The following KMT2E variants were observed in gnomAD, a reference collection of about 807,000 sequenced individuals.
The protein encoded by KMT2E is lysine methyltransferase 2E (inactive).
In KMT2E, 30 loss-of-function variants were observed where a neutral mutation model predicts 184.6. The ratio of observed to expected loss-of-function variants is 0.16; its 90% CI spans 0.12 to 0.22. The LOEUF is 0.22. KMT2E is among the 10% of genes least tolerant of loss of function. The pLI is 1.00. For missense variants in KMT2E, 2,023 were observed against 2,237.4 expected (o/e 0.90, Z 1.93); for synonymous variants, 815 against 776.5 (o/e 1.05, Z -0.82).
intron 10 of KMT2E, 49 bp from the exon 11 acceptor site, chr7:105,077,254 A>T (rs1435318074): frequency 1.2e-6 from 2 of 1,602,360 alleles, no homozygotes; most frequent in East Asian, 4.5e-5. Flanking sequence ...TTTTAGTTAA[A>T]CTGAAAACAA....
intron 11 of KMT2E, among the ~76,000 whole-genome samples, chr7:105,078,626 G>A (rs569664757): frequency 6.8e-6 from 1 of 147,034 alleles, no homozygotes; most frequent in East Asian, 2.0e-4. Flanking sequence ...CCAGGTAGCT[G>A]GGACTACAGG....
At position 105,071,178 on chromosome 7, in the gene KMT2E, A is replaced by G. The variant is rs970886638; in HGVS notation, c.498-2441A>G. On this transcript the variant is annotated intron_variant, in intron 6 of 26. Transcript: ENST00000311117. ...GTAGACATTGACTGATAGAGCTTCAATGTACTGTATCTTTTTTTGTACTCT... is the reference window on the plus strand; with the variant it reads ...GTAGACATTGACTGATAGAGCTTCAGTGTACTGTATCTTTTTTTGTACTCT... Among the ~76,000 whole-genome samples the G allele has an allele frequency of 4.6e-5, 7 of 152,248 alleles. No individual in the cohort carries two copies. In the East Asian group the frequency reaches 7.7e-4, roughly 17 times the overall value.
intron 14 of KMT2E, among the ~76,000 whole-genome samples, 188 bp from the exon 15 acceptor site, chr7:105,091,028 A>G (rs916397807): frequency 6.6e-6 from 1 of 152,208 alleles, no homozygotes; most frequent in Non-Finnish European, 1.5e-5. Context: ...TAAAAAGCGA[A>G]AGTATTTGAT....
intron 1 of KMT2E, among the ~76,000 whole-genome samples, chr7:105,029,876 A>G (rs987983584): frequency 4.7e-4 from 71 of 152,216 alleles, no homozygotes; most frequent in African/African-American, 1.6e-3. Context: ...GGGCAACTAC[A>G]TTAGTAACAG....
chr7:105,110,468 C>T lies in KMT2E; in HGVS notation c.3845-9C>T. 1 of 1,614,138 alleles carries T rather than the reference C, an allele frequency of 6.2e-7. No homozygotes were observed. The highest frequency in any genetic ancestry group is 8.5e-7 in the Non-Finnish European group (1 of 1,180,012). On this transcript the variant is annotated splice_polypyrimidine_tract_variant and intron_variant, in intron 24 of 26. Coordinates refer to ENST00000311117, the MANE Select transcript of KMT2E (RefSeq NM_182931.3). ...TGTTCTCTTTGGGTCTGCTCTGCTT[C>T]ATCTCTAGGGGGAGAATCACCATGT...
chr7:105,070,583 G>C (rs1034072972), intron 6 of KMT2E, among the ~76,000 whole-genome samples: 5 of 142,912 alleles, frequency 3.5e-5, no homozygotes, highest in African/African-American at 1.3e-4. Flanking sequence ...GCAGTGAGCT[G>C]AGATCACACA....
intron 3 of KMT2E, among the ~76,000 whole-genome samples, chr7:105,048,475 T>C (rs1796195211): frequency 6.6e-6 from 1 of 152,210 alleles, no homozygotes; most frequent in Non-Finnish European, 1.5e-5. Flanking sequence ...TTTAAAAACC[T>C]GGGTCAACAT....
chr7:105,106,134 T>TA (rs1798889757), intron 19 of KMT2E, 131 bp downstream of exon 19: 1 of 952,182 alleles, frequency 1.1e-6, no homozygotes, highest in Non-Finnish European at 1.6e-6. Context: ...GATTTTCTCT[T>TA]TTCTGTCCTC....
intron 1 of KMT2E, among the ~76,000 whole-genome samples, chr7:105,020,070 T>C (rs1794884366): frequency 6.7e-6 from 1 of 149,278 alleles, no homozygotes; most frequent in Admixed American, 6.7e-5. Context: ...ATTGTGCCAC[T>C]GTACTTCAGC....
At chr7:105,061,046 C>G (rs534158482) in intron 3 of KMT2E, among the ~76,000 whole-genome samples, 1 of 152,260 alleles carries the variant, frequency 6.6e-6, no homozygotes, top group South Asian at 2.1e-4. Context: ...TCACAATCTC[C>G]TTTAGAACCA....
In KMT2E at chr7:105,101,953, A is replaced by G. The variant is rs768492623; in HGVS notation, c.1955A>G (p.Lys652Arg). 5 of 1,613,974 alleles carry G rather than the reference A, an allele frequency of 3.1e-6. No individual in the cohort carries two copies. Among genetic ancestry groups the G allele is most frequent in the Non-Finnish European group, 4.2e-6 (5 of 1,179,924 alleles). ...AAAGTAAATAGAACTAAACAGAGAAAAAGTTTTTCTCGGAGTAGGACTCAC... is the reference window on the plus strand; with the variant it reads ...AAAGTAAATAGAACTAAACAGAGAAGAAGTTTTTCTCGGAGTAGGACTCAC... Reference protein sequence around the residue: ...PAKVNRTKQRKSFSRSRTHIG... With the variant: ...PAKVNRTKQRRSFSRSRTHIG... Residue 652 changes from lysine (K) to arginine (R), a missense_variant, in exon 17 of 27, where the codon AAA (lysine) becomes AGA (arginine). Physicochemically the swap from Lys to Arg is conservative, Grantham distance 26. This residue lies in a region of KMT2E where 514 missense variants were observed against 621.8 expected (regional missense o/e 0.83). Transcript: ENST00000311117.
Position 105,110,237 on chromosome 7 carries a change from G to A in KMT2E, c.3756-43G>A, listed in dbSNP as rs184069478. The A allele has an allele frequency of 1.0e-5, 15 of 1,458,884 alleles. No individual in the cohort carries two copies. The East Asian group carries it at 3.2e-4, about 31-fold the overall frequency. 90.4% of individuals were successfully genotyped at this position (1,458,884 alleles called of 1,614,324 possible). ...CTATGAAGCAACAATGTAACTAGCA[G>A]TAGTTTCTTTCAATAGAGGATAATG... On this transcript the variant is annotated intron_variant, in intron 23 of 26. Coordinates refer to ENST00000311117, the MANE Select transcript of KMT2E (RefSeq NM_182931.3).
chr7:105,077,488 G>C, intron 11 of KMT2E, 55 bp downstream of exon 11: 1 of 1,431,180 alleles, frequency 7.0e-7, no homozygotes, highest in Non-Finnish European at 9.7e-7. Flanking sequence ...TTGAACTTTT[G>C]GCTGTTTTAC....
Position 105,107,200 on chromosome 7 carries a change from A to T in KMT2E, c.2882A>T (p.Lys961Met). Reference protein sequence around the residue: ...ISSPESSPEIKRRTYSQEGYD... With the variant: ...ISSPESSPEIMRRTYSQEGYD... Reference sequence around the variant, plus strand: ...TCCCCAGAAAGTTCTCCAGAAATAAAGAGACGCACTTATAGTCAAGAGGTA... The same window carrying T: ...TCCCCAGAAAGTTCTCCAGAAATAATGAGACGCACTTATAGTCAAGAGGTA... The change falls in exon 21 of 27, where the codon AAG becomes ATG. Residue 961 changes from lysine to methionine, a missense_variant. Transcript: ENST00000311117. 1 of 1,556,714 alleles carries T rather than the reference A, an allele frequency of 6.4e-7. No individual in the cohort carries two copies. Among genetic ancestry groups the T allele is most frequent in the Non-Finnish European group, 8.7e-7 (1 of 1,144,824 alleles).
At chr7:105,036,265 T>A (rs1398875716) in intron 1 of KMT2E, among the ~76,000 whole-genome samples, 1 of 150,682 alleles carries the variant, frequency 6.6e-6, no homozygotes. Flanking sequence ...CTCTGTCTCC[T>A]GGGTTCAAGC....
intron 13 of KMT2E, among the ~76,000 whole-genome samples, chr7:105,085,852 T>TA (rs1432635949): frequency 6.6e-6 from 1 of 152,100 alleles, no homozygotes; most frequent in Non-Finnish European, 1.5e-5. Flanking sequence ...TTTTGTATTT[T>TA]TAGTAGAGAT....
rs67291226 is a variant in KMT2E at position 105,059,978 on chromosome 7, G to GTTTTTTTTTTTTTTTTTTTTTTTTT, written c.72-2177_72-2153dup. Among the ~76,000 whole-genome samples, 5 of 51,764 alleles carry GTTTTTTTTTTTTTTTTTTTTTTTTT rather than the reference G, an allele frequency of 9.7e-5. 1 individual carries two copies. Among genetic ancestry groups the GTTTTTTTTTTTTTTTTTTTTTTTTT allele is most frequent in the Admixed American group, 3.2e-4 (1 of 3,134 alleles). The allele number at this position is 51,764 out of a possible 152,430, so 34.0% of individuals were successfully genotyped here. On this transcript the variant is annotated intron_variant, in intron 3 of 26. Transcript: ENST00000311117. ...GCTGAATATTGATTTTCTTGTTGTT[G>GTTTTTTTTTTTTTTTTTTTTTTTTT]TTTTTTTTTTTTTTTTTTTTTTTTT...
intron 13 of KMT2E, among the ~76,000 whole-genome samples, chr7:105,084,496 G>A (rs991068656): frequency 4.6e-5 from 7 of 151,890 alleles, no homozygotes; most frequent in Non-Finnish European, 7.4e-5. Context: ...GCGTGGTGGC[G>A]GGCCCCTGTA....
In KMT2E at chr7:105,112,979, C is replaced by T. The variant is rs771771294; in HGVS notation, c.5223C>T (p.His1741=). 4.3e-6 allele frequency: 7 copies of T among 1,613,924 alleles called. No individual in the cohort carries two copies. In the East Asian group the frequency reaches 1.1e-4, roughly 26 times the overall value. ...CCACATCAGCTCAAGCCTTACACCACCCACCTCATCAAGGACCTCCACTTT... is the reference window on the plus strand; with the variant it reads ...CCACATCAGCTCAAGCCTTACACCATCCACCTCATCAAGGACCTCCACTTT... ...HHTTSAQALH[H]PPHQGPPLFP... The change falls in exon 27 of 27, where the codon CAC becomes CAT. Residue 1741 remains histidine, a synonymous_variant. Transcript: ENST00000311117.
Sources: allele counts gnomAD v4.1 joint callset (sites outside exome capture counted in the v4.1 genomes callset), GRCh38; gene constraint gnomAD v4.1.1; regional missense constraint gnomAD v4.1.1; transcripts MANE v1.5; gene names NCBI Gene and HGNC (gene_info 2026-07-23, HGNC 2026-07-21).